CFAP20DC: variants seen among roughly 807,000 people sequenced by gnomAD.
CFAP20DC encodes the protein protein CFAP20DC.
In CFAP20DC, 84 loss-of-function variants were observed where a neutral mutation model predicts 101.7. The observed-to-expected ratio is 0.83, with a 90% CI of 0.69 to 0.99. CFAP20DC has a LOEUF of 0.99. Among genes scored for constraint, CFAP20DC ranks in the 50% least tolerant of loss-of-function variants. The pLI, the probability that CFAP20DC is intolerant of heterozygous loss-of-function variation, is 0.00. For missense variants in CFAP20DC, 1,007 were observed against 970.3 expected, an observed-to-expected ratio of 1.04 and a Z score of -0.50; for synonymous variants, 359 against 351.2, an observed-to-expected ratio of 1.02 and a Z score of -0.25.
chr3:58,929,257 C>T (rs1485577615), intron 5 of CFAP20DC, among the ~76,000 whole-genome samples: 1 of 152,136 alleles, frequency 6.6e-6, no homozygotes. Flanking sequence ...GTGTGGGTTA[C>T]AGCCACATAC....
chr3:59,022,249 G>A (rs895542697), intron 4 of CFAP20DC, among the ~76,000 whole-genome samples: 1 of 151,946 alleles, frequency 6.6e-6, no homozygotes, highest in Non-Finnish European at 1.5e-5. Context: ...AAGAATAGAG[G>A]CTAGAGAGTA....
rs1344505138 is a variant in CFAP20DC at position 58,869,416 on chromosome 3, T to C, written c.927A>G (p.Thr309=). 3.1e-6 allele frequency: 5 copies of C among 1,613,964 alleles called. No homozygotes were observed. The highest frequency in any genetic ancestry group is 4.2e-6 in the Non-Finnish European group (5 of 1,179,854). ...PSTVEKCVNG[T]EMSALLIPES... ...CAGGTATCAGCAAGGCTGACATTTC[T>C]GTACCATTAACACACTTCTCTACAG... The change falls in exon 9 of 17, where the codon ACA becomes ACG. Residue 309 remains threonine, a synonymous_variant. Coordinates refer to ENST00000482387, the MANE Select transcript of CFAP20DC (RefSeq NM_001394063.1). The surrounding 1 kb of genome is among the most constrained non-coding windows in gnomAD (Gnocchi z 4.3).
rs2084363291 is a variant in CFAP20DC at position 58,913,562 on chromosome 3, C to T, written c.550+146G>A. ...GTAAAAATAAACATTTGATCTAGAA[C>T]AAAGAAATCAGCATGACTGTTGACA... is the stretch of plus-strand genomic sequence containing the variant. On this transcript the variant is annotated intron_variant, in intron 6 of 16. Coordinates refer to ENST00000482387, the MANE Select transcript of CFAP20DC (RefSeq NM_001394063.1). The surrounding 1 kb of genome is among the most constrained non-coding windows in gnomAD (Gnocchi z 4.4). 1.3e-6 allele frequency: 1 copy of T among 753,800 alleles called. No homozygotes were observed. The highest frequency in any genetic ancestry group is 2.1e-5 in the Admixed American group (1 of 46,762). The allele number at this position is 753,800 out of a possible 1,614,324, so 46.7% of individuals were successfully genotyped here.
chr3:58,733,427 A>G (rs1021448581), intron 3 of CFAP20DC, among the ~76,000 whole-genome samples: 2 of 152,224 alleles, frequency 1.3e-5, no homozygotes, highest in African/African-American at 4.8e-5. Context: ...AACATTCGTC[A>G]TATACTCTGA....
At chr3:58,854,023 C>T (rs1250815728) in intron 12 of CFAP20DC, among the ~76,000 whole-genome samples, 20 of 151,902 alleles carry the variant, frequency 1.3e-4, no homozygotes, top group East Asian at 1.2e-3. Flanking sequence ...GGTATTCAAT[C>T]AGGAAAAGAG....
At chr3:58,995,744 G>A (rs1490673014) in intron 4 of CFAP20DC, among the ~76,000 whole-genome samples, 1 of 152,166 alleles carries the variant, frequency 6.6e-6, no homozygotes, top group Non-Finnish European at 1.5e-5. Flanking sequence ...AGAATAAAAT[G>A]GTGGAGTAAG....
At chr3:58,770,605 T>A (rs1214972458) in intron 15 of CFAP20DC, among the ~76,000 whole-genome samples, 1 of 152,178 alleles carries the variant, frequency 6.6e-6, no homozygotes, top group African/African-American at 2.4e-5. Flanking sequence ...AGGAACAGCA[T>A]GAAGTACAGT....
intron 3 of CFAP20DC, chr3:58,734,643 C>A: frequency 8.9e-6 from 4 of 450,926 alleles, no homozygotes; most frequent in Non-Finnish European, 1.3e-5. Flanking sequence ...GCTCCCTGGG[C>A]AGGTGCCTAT....
At chr3:58,937,290 T>C (rs2087836257) in intron 5 of CFAP20DC, among the ~76,000 whole-genome samples, 1 of 152,178 alleles carries the variant, frequency 6.6e-6, no homozygotes, top group Non-Finnish European at 1.5e-5. Flanking sequence ...TGGCTTCCTA[T>C]CTCTCCCTGT....
chr3:58,734,805 C>T (rs3762704), intron 3 of CFAP20DC, among the ~76,000 whole-genome samples: 1 of 152,174 alleles, frequency 6.6e-6, no homozygotes, highest in Non-Finnish European at 1.5e-5. Flanking sequence ...AAAGCACTTA[C>T]CATTCAAGGC....
chr3:58,998,124 T>C (rs1328954365), intron 4 of CFAP20DC, among the ~76,000 whole-genome samples: 1 of 152,210 alleles, frequency 6.6e-6, no homozygotes, highest in Non-Finnish European at 1.5e-5. Context: ...GACAGCTGTC[T>C]ACGGGCAAGT....
rs1446621565 is a variant in CFAP20DC at position 58,849,232 on chromosome 3, C to G, written c.1771G>C (p.Asp591His). The change falls in exon 13 of 17, where the codon GAT (aspartate) becomes CAT (histidine). Residue 591 changes from aspartate (D) to histidine (H), a missense_variant. Asp to His is a moderately conservative substitution (Grantham distance 81). Transcript: ENST00000482387. The stretch of plus-strand genomic sequence containing the variant: ...AAACTCATTTCAAAGTTATTTCTAT[C>G]TATTTGCTCCATCGAGGAATCCTGG... ...ESQDSSMEQIDRNNFEMSLLP... is the reference protein window; with the variant it reads ...ESQDSSMEQIHRNNFEMSLLP... 6.5e-7 allele frequency: 1 copy of G among 1,535,940 alleles called. No homozygotes were observed. The highest frequency in any genetic ancestry group is 8.7e-7 in the Non-Finnish European group (1 of 1,146,896).
chr3:58,880,048 GA>G (rs1409665623), intron 7 of CFAP20DC, among the ~76,000 whole-genome samples: 18 of 151,866 alleles, frequency 1.2e-4, no homozygotes, highest in South Asian at 6.2e-4. Flanking sequence ...AAATACAGAA[GA>G]GTATAAAGAA....
At chr3:58,931,275 G>A (rs985362903) in intron 5 of CFAP20DC, among the ~76,000 whole-genome samples, 5 of 152,164 alleles carry the variant, frequency 3.3e-5, no homozygotes, top group South Asian at 4.1e-4. Flanking sequence ...CAGGAAGCTC[G>A]AACTGGGTGG....
chr3:58,941,384 T>C (rs551912806), intron 4 of CFAP20DC, among the ~76,000 whole-genome samples: 16 of 150,618 alleles, frequency 1.1e-4, no homozygotes, highest in Non-Finnish European at 3.0e-5. Flanking sequence ...GTCATTTGGT[T>C]CTAGTATATA....
At chr3:59,034,072 G>A (rs539601718) in intron 4 of CFAP20DC, among the ~76,000 whole-genome samples, 9 of 152,090 alleles carry the variant, frequency 5.9e-5, no homozygotes, top group East Asian at 5.8e-4. Flanking sequence ...TTTTCAACCC[G>A]GAATTTCATA....
intron 4 of CFAP20DC, among the ~76,000 whole-genome samples, chr3:58,955,324 A>AAC (rs2090527590): frequency 6.6e-6 from 1 of 152,180 alleles, no homozygotes; most frequent in Non-Finnish European, 1.5e-5. Context: ...AGGTAGGAAA[A>AAC]ACATCTTAAA....
chr3:58,816,225 C>T lies in CFAP20DC; in HGVS notation c.2176-9769G>A, dbSNP rs183142635. On this transcript the variant is annotated intron_variant, in intron 14 of 16. Coordinates refer to ENST00000482387, the MANE Select transcript of CFAP20DC (RefSeq NM_001394063.1). ...GTCCTTTGTAGGGACATGGATGAGA[C>T]TGGAAATCATCATTCTCAGTAAACT... 6.2e-3 allele frequency among the ~76,000 whole-genome samples: 946 copies of T among 151,784 alleles called. 10 individuals are homozygous for T. The highest frequency in any genetic ancestry group is 0.021 in the African/African-American group (862 of 41,162).
intron 4 of CFAP20DC, 92 bp from the exon 5 acceptor site, chr3:58,937,854 C>A (rs2087926106): frequency 1.4e-6 from 1 of 728,910 alleles, no homozygotes; most frequent in African/African-American, 1.8e-5. Context: ...ATTTATCATA[C>A]AGACCCTTTT....
Sources: gnomAD v4.1 joint callset for allele counts (sites outside exome capture counted in the v4.1 genomes callset) on GRCh38, gnomAD v4.1.1 for gene constraint, Gnocchi (gnomAD v3.1) non-coding constraint, MANE v1.5 for transcripts, NCBI Gene and HGNC (gene_info 2026-07-23, HGNC 2026-07-21) for gene names.